CAPN7: variants seen among roughly 807,000 people sequenced by gnomAD.
The protein encoded by CAPN7 is calpain 7, also known as calpain-7.
In CAPN7, 72 loss-of-function variants were observed where a neutral mutation model predicts 115.2. The observed-to-expected ratio is 0.63, with a 90% confidence interval of 0.52 to 0.76. The LOEUF (loss-of-function observed/expected upper bound fraction) is 0.76, where lower values mean the gene tolerates loss of function less well. CAPN7 is among the 30% of genes least tolerant of loss of function. CAPN7 has a pLI of 0.00. For missense variants in CAPN7, 905 were observed against 971.5 expected (o/e 0.93, Z 0.91); for synonymous variants, 344 against 322.3 (o/e 1.07, Z -0.72).
rs748874148 is a variant in CAPN7 at position 15,212,223 on chromosome 3, G to A, written c.211+11G>A. 1 of 1,450,470 alleles carries A rather than the reference G, an allele frequency of 6.9e-7. No homozygotes were observed. Among genetic ancestry groups the A allele is most frequent in the Non-Finnish European group, 9.6e-7 (1 of 1,046,738 alleles). The allele number at this position is 1,450,470 out of a possible 1,614,324, so 89.8% of individuals were successfully genotyped here. Reference sequence around the variant, plus strand: ...CTCTACATTCAGCAGGTTAGTAAAGGACTACTAAACTTGTCACTCTATTTT... The same window carrying A: ...CTCTACATTCAGCAGGTTAGTAAAGAACTACTAAACTTGTCACTCTATTTT... On this transcript the variant is annotated intron_variant, in intron 2 of 20. Coordinates refer to ENST00000253693, the MANE Select transcript of CAPN7 (RefSeq NM_014296.3).
At chr3:15,219,955 CTT>C (rs1693867601) in intron 4 of CAPN7, among the ~76,000 whole-genome samples, 1 of 152,206 alleles carries the variant, frequency 6.6e-6, no homozygotes. Flanking sequence ...AATCCCAACA[CTT>C]TGGGAGACTG....
chr3:15,206,724 C>T, intron 1 of CAPN7, 127 bp downstream of exon 1: 4 of 669,170 alleles, frequency 6.0e-6, no homozygotes, highest in South Asian at 2.0e-5. Flanking sequence ...CGTCCGCCTC[C>T]CGGCCCTCCT....
At chr3:15,226,939 T>C (rs943059373) in intron 6 of CAPN7, among the ~76,000 whole-genome samples, 81 of 152,124 alleles carry the variant, frequency 5.3e-4, no homozygotes, top group African/African-American at 2.0e-3. Flanking sequence ...CAAGGATTTG[T>C]TGCTTCTGCT....
intron 2 of CAPN7, among the ~76,000 whole-genome samples, chr3:15,215,729 C>T (rs1480711074): frequency 2.0e-5 from 3 of 152,054 alleles, no homozygotes; most frequent in Non-Finnish European, 4.4e-5. Flanking sequence ...TTTGTTTATC[C>T]GTTCATTAGT....
At chr3:15,249,115 GT>G (rs1695853504) in intron 19 of CAPN7, among the ~76,000 whole-genome samples, 1 of 151,582 alleles carries the variant, frequency 6.6e-6, no homozygotes, top group Non-Finnish European at 1.5e-5. Context: ...AGCAGCAGCA[GT>G]TAATAACCCA....
chr3:15,251,323 C>A lies in CAPN7; in HGVS notation c.*63C>A, dbSNP rs979271214. 3 of 1,332,968 alleles carry A rather than the reference C, an allele frequency of 2.3e-6. No homozygotes were observed. Among genetic ancestry groups the A allele is most frequent in the African/African-American group, 1.5e-5 (1 of 67,882 alleles). The allele number at this position is 1,332,968 out of a possible 1,614,324, so 82.6% of individuals were successfully genotyped here. On this transcript the variant is annotated 3_prime_UTR_variant, in exon 21 of 21. Coordinates refer to ENST00000253693, the MANE Select transcript of CAPN7 (RefSeq NM_014296.3). ...AACATCAGTTCTTCAAATAAGGACG[C>A]AAATCTTCAGGACAGTAAGCAGAAC...
intron 19 of CAPN7, among the ~76,000 whole-genome samples, chr3:15,248,370 T>C (rs1695797140): frequency 6.6e-6 from 1 of 152,156 alleles, no homozygotes; most frequent in Non-Finnish European, 1.5e-5. Flanking sequence ...CACAACATAA[T>C]GGATAAGTCT....
intron 2 of CAPN7, among the ~76,000 whole-genome samples, chr3:15,214,445 C>T (rs76562398): frequency 0.021 from 3,261 of 152,002 alleles, 132 homozygotes; most frequent in African/African-American, 0.073. Context: ...CAGTATAGGC[C>T]GGCACAGTGG....
chr3:15,241,074 G>A (rs528678278), intron 14 of CAPN7, among the ~76,000 whole-genome samples: 27 of 152,226 alleles, frequency 1.8e-4, no homozygotes, highest in Non-Finnish European at 3.4e-4. Context: ...GCATTGTGGC[G>A]CACACTTGTA....
intron 2 of CAPN7, among the ~76,000 whole-genome samples, chr3:15,214,124 C>T (rs2045108860): frequency 6.6e-6 from 1 of 152,138 alleles, no homozygotes; most frequent in South Asian, 2.1e-4. Context: ...TCGTGATCCA[C>T]CCGCCTCGGC....
chr3:15,208,446 T>C (rs139083046), intron 1 of CAPN7, among the ~76,000 whole-genome samples: 139 of 150,612 alleles, frequency 9.2e-4, no homozygotes, highest in South Asian at 4.6e-3. Context: ...ACAACCACAC[T>C]TGGCTAATTT....
Position 15,242,201 on chromosome 3 carries a change from A to G in CAPN7, c.1812A>G (p.Glu604=). Residue 604 remains glutamate, a synonymous_variant, in exon 16 of 21, where the codon GAA becomes GAG. Transcript: ENST00000253693. ...AGGATGATTTTGCGAATAATCGAGAATTTATCACAATGGTTGTATACAAGA... is the reference window on the plus strand; with the variant it reads ...AGGATGATTTTGCGAATAATCGAGAGTTTATCACAATGGTTGTATACAAGA... The part of the protein sequence containing the change: ...TDKDDFANNR[E]FITMVVYKTD... 1 of 1,604,936 alleles carries G rather than the reference A, an allele frequency of 6.2e-7. No homozygotes were observed. The highest frequency in any genetic ancestry group is 8.5e-7 in the Non-Finnish European group (1 of 1,177,726).
chr3:15,240,329 G>C, intron 12 of CAPN7, 144 bp from the exon 13 acceptor site: 1 of 749,640 alleles, frequency 1.3e-6, no homozygotes, highest in Non-Finnish European at 2.2e-6. Context: ...TGTATGACCT[G>C]GTGAAAGTGT....
chr3:15,217,338 T>TA (rs1693689521), intron 2 of CAPN7, 87 bp from the exon 3 acceptor site: 1 of 1,188,944 alleles, frequency 8.4e-7, no homozygotes, highest in African/African-American at 1.6e-5. Flanking sequence ...AGGGTTTTGG[T>TA]AAAAAATGTC....
intron 11 of CAPN7, 52 bp from the exon 12 acceptor site, chr3:15,234,973 T>TA (rs1397451359): frequency 3.9e-6 from 6 of 1,533,434 alleles, no homozygotes; most frequent in African/African-American, 2.7e-5. Flanking sequence ...GGTGTGATCT[T>TA]AGATTACAAA....
intron 2 of CAPN7, among the ~76,000 whole-genome samples, chr3:15,217,074 CA>C (rs11286121): frequency 0.094 from 10,654 of 113,338 alleles, 1,194 homozygotes; most frequent in African/African-American, 0.27. Flanking sequence ...CCCATCTCTA[CA>C]AAAAAAAAAA....
rs940072282 is a variant in CAPN7 at position 15,229,176 on chromosome 3, T to C, written c.938+117T>C. 3 of 667,900 alleles carry C rather than the reference T, an allele frequency of 4.5e-6. No individual in the cohort carries two copies. The Admixed American group carries it at 7.6e-5, about 17-fold the overall frequency. The allele number at this position is 667,900 out of a possible 1,614,324, so 41.4% of individuals were successfully genotyped here. A position where few individuals can be genotyped will look rare whatever the true frequency, so the allele number is the denominator to read the frequency against. On this transcript the variant is annotated intron_variant, in intron 8 of 20. Coordinates refer to ENST00000253693, the MANE Select transcript of CAPN7 (RefSeq NM_014296.3). ...GGGCATATCATTCAGAATATGGCCC[T>C]TCTGTAGAAATTAAGCAGATGATTT...
chr3:15,251,073 C>T, intron 20 of CAPN7, 43 bp from the exon 21 acceptor site: 2 of 1,598,180 alleles, frequency 1.3e-6, no homozygotes, highest in South Asian at 1.1e-5. Flanking sequence ...CTTTTTGTGG[C>T]ATCATCTTCT....
intron 11 of CAPN7, 72 bp downstream of exon 11, chr3:15,234,045 G>C: frequency 2.4e-6 from 2 of 831,192 alleles, no homozygotes; most frequent in Non-Finnish European, 4.0e-6. Flanking sequence ...GCTGGGCGTG[G>C]TGGGTCATGC....
Sources: gnomAD v4.1 joint callset for allele counts (sites outside exome capture counted in the v4.1 genomes callset) on GRCh38, gnomAD v4.1.1 for gene constraint, MANE v1.5 for transcripts, NCBI Gene and HGNC (gene_info 2026-07-23, HGNC 2026-07-21) for gene names.